Variants in HDAC4 observed in about 807,000 individuals in gnomAD.
HDAC4 encodes the protein histone deacetylase A.
HDAC4 carries 16 observed loss-of-function variants against 135.1 expected under a neutral mutation model. That is an observed-to-expected ratio of 0.12 (90% CI 0.08 to 0.18). The LOEUF is 0.18. Ranked by LOEUF, HDAC4 falls within the 10% of genes least tolerant of loss-of-function variation. The probability of loss-of-function intolerance (pLI) is 1.00; values close to 1 mark genes in which losing one functional copy is unlikely to be tolerated. For synonymous variants in HDAC4, 685 were observed against 653.4 expected (o/e 1.05, Z -0.74); for missense variants, 1,143 against 1,511.8 (o/e 0.76, Z 4.05).
At chr2:239,118,388 CG>C (rs1280481137) in intron 12 of HDAC4, among the ~76,000 whole-genome samples, 2 of 152,138 alleles carry the variant, frequency 1.3e-5, no homozygotes, top group Non-Finnish European at 2.9e-5. Flanking sequence ...GGTGTCGGGG[CG>C]GGCCGGCCAT....
rs985482683 is a variant in HDAC4 at position 239,114,914 on chromosome 2, G to A, written c.1791+139C>T. On this transcript the variant is annotated intron_variant, in intron 13 of 26. Transcript: ENST00000543185. Reference sequence around the variant, plus strand: ...CCACATCAACCTCCCTCACTGGCCAGGACAAGACAGGTGAGACACTGGACA... The same window carrying A: ...CCACATCAACCTCCCTCACTGGCCAAGACAAGACAGGTGAGACACTGGACA... 6.7e-6 allele frequency: 7 copies of A among 1,044,710 alleles called. No individual in the cohort carries two copies. The African/African-American group carries it at 9.4e-5, about 14-fold the overall frequency. 64.7% of individuals were successfully genotyped at this position (1,044,710 alleles called of 1,614,324 possible).
At chr2:239,242,134 G>GAGAA (rs528277115) in intron 2 of HDAC4, among the ~76,000 whole-genome samples, 201 of 149,598 alleles carry the variant, frequency 1.3e-3, no homozygotes, top group African/African-American at 3.9e-3. Context: ...GAAGGAGAAA[G>GAGAA]AGAAAGAAAG....
chr2:239,091,828 AG>A (rs943682002), intron 17 of HDAC4: 3 of 150,892 alleles, frequency 2.0e-5, no homozygotes, highest in African/African-American at 7.3e-5. Flanking sequence ...TGGGAGGCTG[AG>A]GTGGGCGGAT....
intron 17 of HDAC4, among the ~76,000 whole-genome samples, chr2:239,090,967 C>T (rs1336605193): frequency 6.6e-6 from 1 of 152,236 alleles, no homozygotes; most frequent in African/African-American, 2.4e-5. Context: ...CGTAGCTAAG[C>T]GGGACTGGCC....
chr2:239,118,016 T>C (rs1649889894), intron 12 of HDAC4, among the ~76,000 whole-genome samples: 1 of 152,172 alleles, frequency 6.6e-6, no homozygotes, highest in Non-Finnish European at 1.5e-5. Context: ...GGGCACGGGT[T>C]GGTGGGCACT....
At position 239,051,887 on chromosome 2, in the gene HDAC4, ATATT is replaced by A. The variant is rs1161943574; in HGVS notation, c.*1206_*1209del. 3 of 151,458 alleles carry A rather than the reference ATATT, an allele frequency of 2.0e-5. No homozygotes were observed. Among genetic ancestry groups the A allele is most frequent in the African/African-American group, 7.3e-5 (3 of 41,302 alleles). 9.4% of individuals were successfully genotyped at this position (151,458 alleles called of 1,614,324 possible). ...TACTTTTTCTATAAATGCATTATAA[ATATT>A]TTATCAAGATTTCATAAGAATCAAG... On this transcript the variant is annotated 3_prime_UTR_variant, in exon 27 of 27. Transcript: ENST00000543185.
In HDAC4 at chr2:239,373,167, G is replaced by C. The variant is rs551841569; in HGVS notation, c.-219-20249C>G. On this transcript the variant is annotated intron_variant, in intron 1 of 26. Transcript: ENST00000543185. ...TTTCTCACATCAGGACATGTGAGCAGAACGACCTCTAAAGAGGCTGCAGCC... is the reference window on the plus strand; with the variant it reads ...TTTCTCACATCAGGACATGTGAGCACAACGACCTCTAAAGAGGCTGCAGCC... Among the ~76,000 whole-genome samples the C allele has an allele frequency of 2.6e-5, 4 of 152,242 alleles. No individual in the cohort carries two copies. The East Asian group carries it at 7.7e-4, about 29-fold the overall frequency.
At chr2:239,190,392 A>G (rs1327479151) in intron 3 of HDAC4, among the ~76,000 whole-genome samples, 1 of 152,218 alleles carries the variant, frequency 6.6e-6, no homozygotes, top group African/African-American at 2.4e-5. Flanking sequence ...GGACCCCGCT[A>G]CAGGCCCAGA....
intron 6 of HDAC4, among the ~76,000 whole-genome samples, chr2:239,157,429 G>A (rs1441183876): frequency 6.6e-6 from 1 of 152,200 alleles, no homozygotes; most frequent in Non-Finnish European, 1.5e-5. Flanking sequence ...CTTCCTGTAT[G>A]AACAGCTGGG....
intron 16 of HDAC4, among the ~76,000 whole-genome samples, chr2:239,101,547 T>G (rs978368364): frequency 5.9e-5 from 9 of 152,136 alleles, no homozygotes; most frequent in Non-Finnish European, 1.2e-4. Flanking sequence ...CCTGCGTTCA[T>G]GGTTCCTAGT....
chr2:239,320,684 G>T (rs1377441095), intron 2 of HDAC4, among the ~76,000 whole-genome samples: 1 of 152,118 alleles, frequency 6.6e-6, no homozygotes, highest in Non-Finnish European at 1.5e-5. Context: ...CTTTTTATGT[G>T]AATTTATTTT....
intron 2 of HDAC4, among the ~76,000 whole-genome samples, chr2:239,294,401 A>T (rs1317567105): frequency 6.6e-6 from 1 of 152,134 alleles, no homozygotes; most frequent in African/African-American, 2.4e-5. Flanking sequence ...GCTGATAGGG[A>T]GTCTGGAGCC....
intron 7 of HDAC4, among the ~76,000 whole-genome samples, chr2:239,152,249 C>T (rs2042162152): frequency 6.6e-6 from 1 of 152,256 alleles, no homozygotes; most frequent in Admixed American, 6.5e-5. Flanking sequence ...AGCCATCTGA[C>T]ACCCACACAG....
At chr2:239,163,714 G>A in intron 6 of HDAC4, 89 bp downstream of exon 6, 2 of 1,355,578 alleles carry the variant, frequency 1.5e-6, no homozygotes, top group Non-Finnish European at 2.1e-6. Context: ...CTCCGGTGAA[G>A]AGCTGGCTCC....
chr2:239,265,157 C>T (rs2049645311), intron 2 of HDAC4, among the ~76,000 whole-genome samples: 1 of 152,176 alleles, frequency 6.6e-6, no homozygotes, highest in African/African-American at 2.4e-5. Flanking sequence ...ACTTGCTGCT[C>T]CAGGTCACCC....
At chr2:239,368,374 C>T (rs566991346) in intron 1 of HDAC4, among the ~76,000 whole-genome samples, 46 of 152,292 alleles carry the variant, frequency 3.0e-4, no homozygotes, top group African/African-American at 9.9e-4. Context: ...TGAAATGCAC[C>T]GTCCAAAGCA....
At chr2:239,375,103 G>A (rs556622959) in intron 1 of HDAC4, among the ~76,000 whole-genome samples, 3 of 152,318 alleles carry the variant, frequency 2.0e-5, no homozygotes, top group African/African-American at 7.2e-5. Context: ...GGGAGAACAC[G>A]CAGAGCCAGG....
chr2:239,348,500 A>G (rs1352793397), intron 2 of HDAC4, among the ~76,000 whole-genome samples: 1 of 152,234 alleles, frequency 6.6e-6, no homozygotes, highest in Non-Finnish European at 1.5e-5. Context: ...AGGAAAGACA[A>G]GGACAGTTAC....
At chr2:239,261,524 T>C (rs1175910822) in intron 2 of HDAC4, among the ~76,000 whole-genome samples, 2 of 152,056 alleles carry the variant, frequency 1.3e-5, no homozygotes, top group East Asian at 3.9e-4. Context: ...AAAACACGCT[T>C]CAACAGTTGC....
Sources: gnomAD v4.1 joint callset for allele counts (sites outside exome capture counted in the v4.1 genomes callset) on GRCh38, gnomAD v4.1.1 for gene constraint, MANE v1.5 for transcripts, NCBI Gene and HGNC (gene_info 2026-07-23, HGNC 2026-07-21) for gene names.